The following SEMA5A variants were observed in gnomAD, a reference collection of about 807,000 sequenced individuals.
SEMA5A encodes the protein semaphorin-5A.
In SEMA5A, 55 loss-of-function variants were observed where a neutral mutation model predicts 135.5. The observed-to-expected ratio is 0.41, with a 90% CI of 0.33 to 0.51. The LOEUF is 0.51. Ranked by LOEUF, SEMA5A falls within the 20% of genes least tolerant of loss-of-function variation. The pLI is 0.37. For missense variants in SEMA5A, 1,290 were observed against 1,419.9 expected, an observed-to-expected ratio of 0.91 and a Z score of 1.47; for synonymous variants, 580 against 546.5, an observed-to-expected ratio of 1.06 and a Z score of -0.85.
intron 1 of SEMA5A, among the ~76,000 whole-genome samples, chr5:9,457,515 T>C (rs886713592): frequency 9.2e-5 from 14 of 152,192 alleles, no homozygotes; most frequent in Admixed American, 6.5e-5. Context: ...CAAACAAATA[T>C]TTCTGACACC....
chr5:9,280,273 C>T (rs150322348), intron 5 of SEMA5A, among the ~76,000 whole-genome samples: 2 of 152,202 alleles, frequency 1.3e-5, no homozygotes, highest in Admixed American at 6.5e-5. Flanking sequence ...ATAAATGGAC[C>T]AATCACTACA....
chr5:9,439,550 TCCC>T (rs1758157575), intron 1 of SEMA5A, among the ~76,000 whole-genome samples: 1 of 152,052 alleles, frequency 6.6e-6, no homozygotes, highest in South Asian at 2.1e-4. Flanking sequence ...GTCTCCTGCC[TCCC>T]CCAGTGAGGT....
intron 10 of SEMA5A, 95 bp downstream of exon 10, chr5:9,197,073 C>T: frequency 6.5e-7 from 1 of 1,531,966 alleles, no homozygotes; most frequent in Non-Finnish European, 8.9e-7. Flanking sequence ...ATGGTGCATG[C>T]ACCCGCGGTT....
chr5:9,287,887 A>T (rs1182555334), intron 5 of SEMA5A, among the ~76,000 whole-genome samples: 1 of 152,234 alleles, frequency 6.6e-6, no homozygotes, highest in African/African-American at 2.4e-5. Context: ...CCTAATTTTT[A>T]AAAAATAAAA....
At chr5:9,093,982 G>A (rs1739182492) in intron 16 of SEMA5A, among the ~76,000 whole-genome samples, 1 of 152,066 alleles carries the variant, frequency 6.6e-6, no homozygotes, top group Admixed American at 6.6e-5. Context: ...ACACCTGTTG[G>A]TGCCCTTGAC....
At chr5:9,207,871 AG>A (rs1405325668) in intron 8 of SEMA5A, among the ~76,000 whole-genome samples, 3 of 43,724 alleles carry the variant, frequency 6.9e-5, no homozygotes, top group Non-Finnish European at 1.5e-4. Context: ...ATAGATAGAT[AG>A]ATAGATAGAT....
chr5:9,255,960 G>A (rs1324237761), intron 5 of SEMA5A, among the ~76,000 whole-genome samples: 2 of 152,078 alleles, frequency 1.3e-5, no homozygotes, highest in African/African-American at 4.8e-5. Flanking sequence ...CTGGTCAAAG[G>A]TATACAAGTC....
chr5:9,074,649 AAACT>A (rs908714211), intron 16 of SEMA5A, among the ~76,000 whole-genome samples: 1 of 152,204 alleles, frequency 6.6e-6, no homozygotes, highest in Non-Finnish European at 1.5e-5. Context: ...TAGAGTATAA[AAACT>A]AACTAATAGA....
At chr5:9,193,902 C>CAAAA (rs1038579820) in intron 10 of SEMA5A, among the ~76,000 whole-genome samples, 5 of 152,088 alleles carry the variant, frequency 3.3e-5, no homozygotes, top group Non-Finnish European at 5.9e-5. Flanking sequence ...GTCTCAAAAA[C>CAAAA]AAAACAAAAC....
intron 2 of SEMA5A, among the ~76,000 whole-genome samples, chr5:9,419,092 T>C (rs933553030): frequency 1.8e-5 from 1 of 56,722 alleles, no homozygotes; most frequent in Non-Finnish European, 3.8e-5. Context: ...ATTTCAAGCA[T>C]TTTTTTTTTA....
chr5:9,163,009 T>C (rs1337875695), intron 11 of SEMA5A, among the ~76,000 whole-genome samples: 1 of 151,994 alleles, frequency 6.6e-6, no homozygotes, highest in Admixed American at 6.6e-5. Context: ...AGATTGTGAG[T>C]TCCTAAAAAT....
chr5:9,249,142 G>A (rs1233213570), intron 5 of SEMA5A, among the ~76,000 whole-genome samples: 1 of 152,182 alleles, frequency 6.6e-6, no homozygotes, highest in Non-Finnish European at 1.5e-5. Flanking sequence ...TTTGTCATGG[G>A]ATTATTTTGA....
chr5:9,318,411 G>T lies in SEMA5A; in HGVS notation c.231C>A (p.Tyr77Ter), dbSNP rs1181029816. The change falls in exon 5 of 23, where the codon TAC (tyrosine) becomes TAA (stop). Residue 77 changes from tyrosine to a stop codon, truncating the protein, a stop_gained. Transcript: ENST00000382496. LOFTEE classifies it high-confidence loss of function. ...GATCCTCAAGCTGTAACCTGAAGAG[G>T]TAGTTTCTGCAAAATACAAAAACAG... ...QKELVVGARNYLFRLQLEDLS... is the reference protein window; with the variant it reads ...QKELVVGARN 1 of 1,611,528 alleles carries T rather than the reference G, an allele frequency of 6.2e-7. No homozygotes were observed. Among genetic ancestry groups the T allele is most frequent in the East Asian group, 2.2e-5 (1 of 44,846 alleles).
intron 11 of SEMA5A, among the ~76,000 whole-genome samples, chr5:9,166,089 T>A (rs761352287): frequency 2.0e-5 from 3 of 152,168 alleles, no homozygotes; most frequent in Non-Finnish European, 4.4e-5. Flanking sequence ...GGTTTAAACT[T>A]TCCTGGTCAT....
chr5:9,197,335 A>C, intron 9 of SEMA5A, 32 bp from the exon 10 acceptor site: 1 of 1,604,440 alleles, frequency 6.2e-7, no homozygotes, highest in Non-Finnish European at 8.5e-7. Context: ...GAAGGCAGTC[A>C]GAGAGCTCGG....
At chr5:9,139,549 C>T (rs1416725777) in intron 12 of SEMA5A, among the ~76,000 whole-genome samples, 2 of 152,174 alleles carry the variant, frequency 1.3e-5, no homozygotes, top group Non-Finnish European at 2.9e-5. Context: ...TAAACATTTG[C>T]ATTTTCCATG....
intron 2 of SEMA5A, among the ~76,000 whole-genome samples, chr5:9,426,566 T>C (rs1422409607): frequency 6.6e-6 from 1 of 152,170 alleles, no homozygotes; most frequent in African/African-American, 2.4e-5. Flanking sequence ...CAAACACAGA[T>C]GACTACCGCA....
intron 2 of SEMA5A, among the ~76,000 whole-genome samples, chr5:9,409,582 G>C (rs1370776296): frequency 6.6e-6 from 1 of 152,130 alleles, no homozygotes; most frequent in African/African-American, 2.4e-5. Flanking sequence ...GCGTGTGCTG[G>C]AGGCTCCTCA....
rs1270956847 is a variant in SEMA5A, at chr5:9,190,593, T to G, written c.1069-122A>C. ...TAAGCCACAATCCATCATTGAAGTA[T>G]GCAAACATGTCTGCTTCTCCATCCT... is the stretch of plus-strand genomic sequence containing the variant. On this transcript the variant is annotated intron_variant, in intron 10 of 22. Transcript: ENST00000382496. The G allele has an allele frequency of 2.0e-5, 16 of 799,068 alleles. 1 individual carries two copies. The highest frequency in any genetic ancestry group is 2.7e-5 in the Non-Finnish European group (13 of 488,006). 49.5% of individuals were successfully genotyped at this position (799,068 alleles called of 1,614,324 possible). A position where few individuals can be genotyped will look rare whatever the true frequency, so the allele number is the denominator to read the frequency against.
Sources: allele counts gnomAD v4.1 joint callset (sites outside exome capture counted in the v4.1 genomes callset), GRCh38; gene constraint gnomAD v4.1.1; transcripts MANE v1.5; gene names NCBI Gene and HGNC (gene_info 2026-07-23, HGNC 2026-07-21).